Variants in CDYL observed in about 807,000 individuals in gnomAD.
The protein encoded by CDYL is chromodomain Y-like protein.
In CDYL, 8 loss-of-function variants were observed where a neutral mutation model predicts 47.3. The ratio of observed to expected loss-of-function variants is 0.17; its 90% CI spans 0.10 to 0.31. The LOEUF (loss-of-function observed/expected upper bound fraction) is 0.31, where lower values mean the gene tolerates loss of function less well. Among genes scored for constraint, CDYL ranks in the 10% least tolerant of loss-of-function variants. The pLI is 1.00. For missense variants in CDYL, 471 were observed against 701.4 expected (o/e 0.67, Z 3.71); for synonymous variants, 266 against 265.0 (o/e 1.00, Z -0.04).
At chr6:4,844,933 G>T (rs1206989572) in intron 1 of CDYL, among the ~76,000 whole-genome samples, 2 of 151,976 alleles carry the variant, frequency 1.3e-5, no homozygotes, top group Non-Finnish European at 2.9e-5. Context: ...CAAATAAATT[G>T]CCTTTTTCAT....
chr6:4,749,281 TTGGATGGATGGATGGATGGATGGATAGA>T (rs1757947537), intron 3 of CDYL, among the ~76,000 whole-genome samples: 1 of 147,390 alleles, frequency 6.8e-6, no homozygotes, highest in Admixed American at 7.0e-5. Context: ...TAGGGTTTTG[TTGGATGGATGGATGGATGGATGGATAGA>T]TGGATGGATG....
chr6:4,952,650 A>G (rs1581297994), intron 6 of CDYL, among the ~76,000 whole-genome samples: 1 of 152,166 alleles, frequency 6.6e-6, no homozygotes, highest in African/African-American at 2.4e-5. Flanking sequence ...CAAGTTAGCA[A>G]ATGTCCTATG....
chr6:4,864,827 A>G (rs537576443), intron 1 of CDYL, among the ~76,000 whole-genome samples: 6 of 151,854 alleles, frequency 4.0e-5, no homozygotes, highest in Admixed American at 1.3e-4. Context: ...AGTTTCAGGT[A>G]TGTCTTTATC....
chr6:4,765,813 C>T (rs1188546402), intron 3 of CDYL, among the ~76,000 whole-genome samples: 1 of 152,134 alleles, frequency 6.6e-6, no homozygotes, highest in Non-Finnish European at 1.5e-5. Flanking sequence ...ATCCACCCAC[C>T]TTGGCCTCCC....
intron 2 of CDYL, among the ~76,000 whole-genome samples, chr6:4,730,186 T>G (rs1757579523): frequency 6.6e-6 from 1 of 152,198 alleles, no homozygotes; most frequent in Non-Finnish European, 1.5e-5. Context: ...GAGACTTAAT[T>G]CTGTGTTTTT....
chr6:4,739,368 A>C (rs1474365810), intron 3 of CDYL, among the ~76,000 whole-genome samples: 1 of 151,192 alleles, frequency 6.6e-6, no homozygotes, highest in Admixed American at 6.6e-5. Flanking sequence ...AAATGCAAAA[A>C]ATTAGCTGGG....
At chr6:4,939,330 T>C (rs1581280917) in intron 4 of CDYL, among the ~76,000 whole-genome samples, 2 of 152,088 alleles carry the variant, frequency 1.3e-5, no homozygotes, top group South Asian at 4.1e-4. Context: ...GGCAGGGACG[T>C]CTTTCTTTGA....
intron 2 of CDYL, among the ~76,000 whole-genome samples, chr6:4,906,354 T>C (rs76350875): frequency 0.015 from 2,247 of 152,372 alleles, 61 homozygotes; most frequent in African/African-American, 0.052. Context: ...AGGAATACCA[T>C]GAGAGCATAA....
At chr6:4,730,382 A>G (rs894452897) in intron 2 of CDYL, among the ~76,000 whole-genome samples, 1 of 152,158 alleles carries the variant, frequency 6.6e-6, no homozygotes, top group African/African-American at 2.4e-5. Context: ...AGAGTCAAGG[A>G]AATGTGAAGA....
intron 1 of CDYL, among the ~76,000 whole-genome samples, chr6:4,875,983 A>G (rs1412406863): frequency 6.6e-6 from 1 of 152,164 alleles, no homozygotes; most frequent in Non-Finnish European, 1.5e-5. Flanking sequence ...CTAACAATGA[A>G]ATGTGCTGAT....
chr6:4,934,901 T>C (rs1758141224), intron 2 of CDYL, among the ~76,000 whole-genome samples: 1 of 152,142 alleles, frequency 6.6e-6, no homozygotes, highest in African/African-American at 2.4e-5. Context: ...TTCAGCTGCT[T>C]AACAGGGCTG....
intron 2 of CDYL, among the ~76,000 whole-genome samples, chr6:4,926,309 C>A (rs1757872209): frequency 6.6e-6 from 1 of 151,800 alleles, no homozygotes. Flanking sequence ...GGATTACGTT[C>A]AATATATGTA....
intron 1 of CDYL, among the ~76,000 whole-genome samples, chr6:4,854,201 A>G (rs907685915): frequency 6.6e-6 from 1 of 152,206 alleles, no homozygotes; most frequent in African/African-American, 2.4e-5. Flanking sequence ...GACCTGTGCG[A>G]GCACACCAGT....
chr6:4,794,081 T>C (rs749083801), intron 1 of CDYL, among the ~76,000 whole-genome samples: 4 of 152,112 alleles, frequency 2.6e-5, no homozygotes, highest in Non-Finnish European at 4.4e-5. Context: ...TGTAGTACAC[T>C]TGGTTCTTAG....
intron 1 of CDYL, among the ~76,000 whole-genome samples, chr6:4,833,643 T>C (rs1156884516): frequency 4.0e-5 from 6 of 150,296 alleles, no homozygotes; most frequent in Admixed American, 6.6e-5. Context: ...ACTTTCTGTC[T>C]TGTTGATCTG....
intron 1 of CDYL, among the ~76,000 whole-genome samples, chr6:4,820,863 A>G (rs1759815027): frequency 6.6e-6 from 1 of 152,200 alleles, no homozygotes; most frequent in African/African-American, 2.4e-5. Context: ...GTGCAGAAAC[A>G]CGGGAATCAT....
intron 1 of CDYL, among the ~76,000 whole-genome samples, chr6:4,875,060 G>A (rs1413268950): frequency 6.6e-6 from 1 of 152,138 alleles, no homozygotes; most frequent in Non-Finnish European, 1.5e-5. Flanking sequence ...AAAATACCTA[G>A]GAGTGGAATT....
At chr6:4,759,754 C>T (rs1465847902) in intron 3 of CDYL, among the ~76,000 whole-genome samples, 3 of 150,432 alleles carry the variant, frequency 2.0e-5, no homozygotes, top group African/African-American at 7.3e-5. Context: ...GGGTGTGTGC[C>T]TGTAATCCCA....
chr6:4,768,152 C>G (rs944353495), intron 3 of CDYL, among the ~76,000 whole-genome samples: 1 of 152,188 alleles, frequency 6.6e-6, no homozygotes, highest in African/African-American at 2.4e-5. Flanking sequence ...AAGCCCTTTC[C>G]TAAGCCTGGG....
Sources: gnomAD v4.1 joint callset for allele counts (sites outside exome capture counted in the v4.1 genomes callset) on GRCh38, gnomAD v4.1.1 for gene constraint, MANE v1.5 for transcripts, NCBI Gene and HGNC (gene_info 2026-07-23, HGNC 2026-07-21) for gene names.